The following CHD2 variants were observed in gnomAD, a reference collection of about 807,000 sequenced individuals.
The protein encoded by CHD2 is ATP-dependent chromatin remodeler CHD2.
In CHD2, 28 loss-of-function variants were observed where a neutral mutation model predicts 243.9. That is an observed-to-expected ratio of 0.11 (90% CI 0.09 to 0.16). The LOEUF (loss-of-function observed/expected upper bound fraction) is 0.16. Among genes scored for constraint, CHD2 ranks in the 10% least tolerant of loss-of-function variants. CHD2 has a pLI of 1.00. For synonymous variants in CHD2, 775 were observed against 779.0 expected (o/e 0.99, Z 0.09); for missense variants, 1,386 against 2,209.8 (o/e 0.63, Z 7.47).
Position 92,971,737 on chromosome 15 carries a change from G to A in CHD2, c.2190-28G>A, listed in dbSNP as rs1477773966. On this transcript the variant is annotated intron_variant, in intron 17 of 38. Transcript: ENST00000394196. ...ACAACTTTCTGTTTTTTTGTATCTA[G>A]TAGTATCATTATCATTTTAATTTGC... is the stretch of plus-strand genomic sequence containing the variant. 4 of 1,600,476 alleles carry A rather than the reference G, an allele frequency of 2.5e-6. No homozygotes were observed. The African/African-American group carries it at 5.4e-5, about 22-fold the overall frequency.
chr15:92,941,948 G>A lies in CHD2; in HGVS notation c.819G>A (p.Lys273=). 3.7e-6 allele frequency: 6 copies of A among 1,612,270 alleles called. No homozygotes were observed. The highest frequency in any genetic ancestry group is 5.1e-6 in the Non-Finnish European group (6 of 1,179,318). ...AGGTCTTAGATTCAAGACTGGGAAA[G>A]AAAGGAGGTATGTGTATTTGGGGAG... ...IEKVLDSRLG[K]KGATGASTTV... is the part of the protein sequence containing the mutation. Residue 273 remains lysine (K), a synonymous_variant, in exon 8 of 39, where the codon AAG becomes AAA. Transcript: ENST00000394196.
At chr15:93,005,547 G>T (rs1289639596) in intron 34 of CHD2, among the ~76,000 whole-genome samples, 1 of 152,082 alleles carries the variant, frequency 6.6e-6, no homozygotes, top group Non-Finnish European at 1.5e-5. Flanking sequence ...AGAAAAAGCG[G>T]TTTTCTTTCA....
At chr15:92,917,392 C>T (rs1362227905) in intron 2 of CHD2, among the ~76,000 whole-genome samples, 1 of 152,138 alleles carries the variant, frequency 6.6e-6, no homozygotes, top group Non-Finnish European at 1.5e-5. Context: ...AACCCTGTCT[C>T]TACTAAAAAT....
intron 2 of CHD2, among the ~76,000 whole-genome samples, chr15:92,911,649 C>T (rs1041096232): frequency 5.3e-5 from 8 of 151,970 alleles, no homozygotes; most frequent in African/African-American, 1.9e-4. Flanking sequence ...GAGGCAGAGA[C>T]GCTTGAACCT....
rs148741922 is a variant in CHD2 at position 92,912,387 on chromosome 15, C to T, written c.62+11088C>T. On this transcript the variant is annotated intron_variant, in intron 2 of 38. Transcript: ENST00000394196. ...TGTTGACAATCTTGAGGCGGAGTCT[C>T]GCTCTGTCGCCTGGGCTGGAGTGCA... Among the ~76,000 whole-genome samples, 241 of 152,272 alleles carry T rather than the reference C, an allele frequency of 1.6e-3. 1 individual carries two copies. The highest frequency in any genetic ancestry group is 0.011 in the South Asian group (55 of 4,820).
rs143375158 is a variant in CHD2, at chr15:92,906,720, T to C, written c.62+5421T>C. Among the ~76,000 whole-genome samples, 1,179 of 151,036 alleles carry C rather than the reference T, an allele frequency of 7.8e-3. 54 individuals are homozygous for C. The highest frequency in any genetic ancestry group is 0.068 in the Admixed American group (1,011 of 14,976). ...AGTTTTTAGCTGCTTCTTGGTAACC[T>C]TAGAACTTTGCTTCCTTGAAGAACT... On this transcript the variant is annotated intron_variant, in intron 2 of 38. Coordinates refer to ENST00000394196, the MANE Select transcript of CHD2 (RefSeq NM_001271.4).
chr15:93,024,658 G>A lies in CHD2; in HGVS notation c.5440G>A (p.Glu1814Lys). 1.2e-6 allele frequency: 2 copies of A among 1,613,184 alleles called. No homozygotes were observed. The highest frequency in any genetic ancestry group is 1.7e-6 in the Non-Finnish European group (2 of 1,179,696). The change falls in exon 39 of 39, where the codon GAA (glutamate) becomes AAA (lysine). Residue 1814 changes from glutamate (E) to lysine (K), a missense_variant. Coordinates refer to ENST00000394196, the MANE Select transcript of CHD2 (RefSeq NM_001271.4). The part of the protein sequence containing the change: ...DHRSPLERSL[E>K]QKNNPDYNWN... ...TAGGTCTCCTTTGGAGAGATCACTA[G>A]AACAGAAAAACAACCCAGATTATAA...
intron 16 of CHD2, among the ~76,000 whole-genome samples, chr15:92,957,197 G>C (rs994262962): frequency 1.3e-5 from 2 of 152,332 alleles, no homozygotes; most frequent in Admixed American, 1.3e-4. Flanking sequence ...ACTCCACTCA[G>C]TCTGGCCCCT....
intron 33 of CHD2, among the ~76,000 whole-genome samples, chr15:93,002,656 T>G (rs2054272350): frequency 1.3e-5 from 2 of 152,214 alleles, no homozygotes; most frequent in Admixed American, 6.5e-5. Context: ...AGGAGCACAA[T>G]CCACAACTGA....
chr15:92,981,767 C>T (rs541048929), intron 24 of CHD2, among the ~76,000 whole-genome samples: 2 of 152,092 alleles, frequency 1.3e-5, no homozygotes, highest in East Asian at 1.9e-4. Flanking sequence ...CTGTGGGACA[C>T]GTCAATAGAT....
chr15:92,980,785 G>C (rs1334446754), intron 22 of CHD2, 30 bp from the exon 23 acceptor site: 3 of 1,523,072 alleles, frequency 2.0e-6, no homozygotes, highest in Non-Finnish European at 2.7e-6. Context: ...GTTATTTGAT[G>C]TTTCTAACAA....
chr15:92,972,207 AG>A, intron 18 of CHD2, 57 bp from the exon 19 acceptor site: 1 of 1,543,380 alleles, frequency 6.5e-7, no homozygotes, highest in Non-Finnish European at 8.9e-7. Context: ...TGTAGAGATT[AG>A]GGAAGATTAA....
chr15:92,922,466 T>C lies in CHD2; in HGVS notation c.63-1855T>C, dbSNP rs117223311. 5.8e-4 allele frequency among the ~76,000 whole-genome samples: 89 copies of C among 152,324 alleles called. 2 individuals are homozygous for C. In the East Asian group the frequency reaches 0.017, roughly 29 times the overall value. On this transcript the variant is annotated intron_variant, in intron 2 of 38. Coordinates refer to ENST00000394196, the MANE Select transcript of CHD2 (RefSeq NM_001271.4). The stretch of plus-strand genomic sequence containing the variant: ...CTGCTCTCCCATTTTTTCTCATTGC[T>C]TCCTCATGGTAACTGAAAGGCCTCC...
chr15:93,004,441 G>A, intron 33 of CHD2, 176 bp from the exon 34 acceptor site: 1 of 479,408 alleles, frequency 2.1e-6, no homozygotes, highest in Non-Finnish European at 3.6e-6. Flanking sequence ...GTGTGAGTAA[G>A]CTGCTAATCA....
intron 31 of CHD2, among the ~76,000 whole-genome samples, chr15:93,000,230 C>T (rs1324409416): frequency 1.3e-5 from 2 of 152,008 alleles, no homozygotes; most frequent in Non-Finnish European, 2.9e-5. Context: ...GGCACCTCTA[C>T]ACTCCAGCCT....
At chr15:92,979,044 C>T (rs1037121665) in intron 21 of CHD2, 91 bp from the exon 22 acceptor site, 67 of 1,513,980 alleles carry the variant, frequency 4.4e-5, no homozygotes, top group Non-Finnish European at 5.5e-5. Context: ...ATTTTCCCCT[C>T]TTGGGTTTTG....
intron 37 of CHD2, among the ~76,000 whole-genome samples, chr15:93,018,317 C>T (rs2054488179): frequency 6.6e-6 from 1 of 152,234 alleles, no homozygotes; most frequent in Non-Finnish European, 1.5e-5. Flanking sequence ...ATTTAAGCCA[C>T]TGGTGGACTG....
Position 92,997,078 on chromosome 15 carries a change from C to A in CHD2, c.3717C>A (p.Asp1239Glu). ...TGCTGCATAAATCTATCCCTGTGGA[C>A]CCTGAAGAAAAAAAAAAGTGAGTAT... ...FEMLHKSIPV[D>E]PEEKKKYCLT... is the part of the protein sequence containing the mutation. Residue 1239 changes from aspartate to glutamate, a missense_variant, in exon 29 of 39, where the codon GAC becomes GAA. This residue lies in a region of CHD2 where 99 missense variants were observed against 176.9 expected (regional missense o/e 0.56). Coordinates refer to ENST00000394196, the MANE Select transcript of CHD2 (RefSeq NM_001271.4). The surrounding 1 kb of genome is among the most constrained non-coding windows in gnomAD (Gnocchi z 4.1). 6.2e-7 allele frequency: 1 copy of A among 1,606,382 alleles called. No homozygotes were observed. The highest frequency in any genetic ancestry group is 1.7e-5 in the Admixed American group (1 of 57,968).
In CHD2 at chr15:92,941,887, TTGA is replaced by T. The variant is rs1231610375; in HGVS notation, c.762_764del (p.Asp254del). 1 of 1,613,052 alleles carries T rather than the reference TTGA, an allele frequency of 6.2e-7. No individual in the cohort carries two copies. Among genetic ancestry groups the T allele is most frequent in the Non-Finnish European group, 8.5e-7 (1 of 1,179,490 alleles). On this transcript the variant is annotated inframe_deletion, in exon 8 of 39. Coordinates refer to ENST00000394196, the MANE Select transcript of CHD2 (RefSeq NM_001271.4). ...CTCATTGAAATGACTGGAGAAGGAG[TTGA>T]TGAACAGCAAGATAATAGTGAAACT...
Sources: allele counts gnomAD v4.1 joint callset (sites outside exome capture counted in the v4.1 genomes callset), GRCh38; gene constraint gnomAD v4.1.1; regional missense constraint gnomAD v4.1.1; non-coding constraint Gnocchi (gnomAD v3.1); transcripts MANE v1.5; gene names NCBI Gene and HGNC (gene_info 2026-07-23, HGNC 2026-07-21).